Variants in HEMK2 observed in about 807,000 individuals in gnomAD.
The protein encoded by HEMK2 is HemK methyltransferase 2, ETF1 glutamine and histone H4 lysine.
chr21:28,616,756 C>A, the HEMK2 span, among the ~76,000 whole-genome samples: 7 of 152,080 alleles, frequency 4.6e-5, no homozygotes, highest in African/African-American at 1.7e-4. Context: ...ATTTGTATAC[C>A]CTTTGCTATT....
At chr21:28,618,935 C>T in the HEMK2 span, among the ~76,000 whole-genome samples, 1 of 152,060 alleles carries the variant, frequency 6.6e-6, no homozygotes, top group Non-Finnish European at 1.5e-5. Context: ...AAAGTCCAAC[C>T]CCTGGTACCT....
At chr21:28,799,392 C>G in the HEMK2 span, among the ~76,000 whole-genome samples, 3 of 152,190 alleles carry the variant, frequency 2.0e-5, no homozygotes, top group Non-Finnish European at 4.4e-5. Context: ...ATTCAATTAC[C>G]TCCCACTGGG....
chr21:28,831,636 AAAG>A, the HEMK2 span, among the ~76,000 whole-genome samples: 6 of 28,750 alleles, frequency 2.1e-4, no homozygotes, highest in African/African-American at 9.2e-4. Flanking sequence ...AGAAGGAAGG[AAAG>A]AAAGAAAGAA....
At chr21:28,707,952 CA>C in the HEMK2 span, among the ~76,000 whole-genome samples, 1 of 151,918 alleles carries the variant, frequency 6.6e-6, no homozygotes, top group Non-Finnish European at 1.5e-5. Flanking sequence ...ATGATGAAAA[CA>C]AAAGTGGGAG....
At chr21:28,719,672 AG>A in the HEMK2 span, among the ~76,000 whole-genome samples, 5 of 152,232 alleles carry the variant, frequency 3.3e-5, no homozygotes, top group African/African-American at 1.2e-4. Flanking sequence ...CCCTGGGAGT[AG>A]GAGTGGGCAG....
the HEMK2 span, among the ~76,000 whole-genome samples, chr21:28,604,502 C>T: frequency 6.6e-6 from 1 of 152,158 alleles, no homozygotes; most frequent in South Asian, 2.1e-4. Flanking sequence ...TGGGAACTTT[C>T]CAGGTGAGTA....
the HEMK2 span, among the ~76,000 whole-genome samples, chr21:28,831,648 AAAGAAAG>A: frequency 9.5e-4 from 27 of 28,330 alleles, no homozygotes; most frequent in African/African-American, 1.5e-3. Context: ...AGAAAGAAAG[AAAGAAAG>A]AAAGAAAGAA....
At chr21:28,817,389 A>G in the HEMK2 span, among the ~76,000 whole-genome samples, 1 of 152,244 alleles carries the variant, frequency 6.6e-6, no homozygotes, top group Non-Finnish European at 1.5e-5. Context: ...GTAGAAAACA[A>G]AGAAAAAAGT....
chr21:28,815,363 T>C, the HEMK2 span, among the ~76,000 whole-genome samples: 1 of 151,392 alleles, frequency 6.6e-6, no homozygotes, highest in East Asian at 1.9e-4. Flanking sequence ...ACCCTAAAAC[T>C]TGAAGCATAA....
At chr21:28,702,768 C>T in the HEMK2 span, among the ~76,000 whole-genome samples, 1 of 152,024 alleles carries the variant, frequency 6.6e-6, no homozygotes, top group Non-Finnish European at 1.5e-5. Flanking sequence ...TCAAAGATCT[C>T]AAAGCAGAAT....
the HEMK2 span, among the ~76,000 whole-genome samples, chr21:28,822,635 G>A: frequency 6.6e-6 from 1 of 151,770 alleles, no homozygotes; most frequent in South Asian, 2.1e-4. Context: ...TAGATTGCTA[G>A]ACTAGCTTTG....
the HEMK2 span, among the ~76,000 whole-genome samples, chr21:28,716,120 TG>T: frequency 9.5e-6 from 1 of 105,388 alleles, no homozygotes; most frequent in Non-Finnish European, 1.7e-5. Context: ...TTTGGCTATT[TG>T]GACTCTTTTT....
the HEMK2 span, among the ~76,000 whole-genome samples, chr21:28,725,968 A>G: frequency 6.6e-6 from 1 of 152,226 alleles, no homozygotes. Context: ...TTAAATTCCA[A>G]AGAAATGGGA....
At chr21:28,732,482 A>G in the HEMK2 span, among the ~76,000 whole-genome samples, 8 of 152,350 alleles carry the variant, frequency 5.3e-5, no homozygotes, top group Middle Eastern at 3.4e-3. Flanking sequence ...GATGGACTGC[A>G]TATGTGAAGG....
At chr21:28,864,423 T>A in the HEMK2 span, among the ~76,000 whole-genome samples, 11 of 43,234 alleles carry the variant, frequency 2.5e-4, no homozygotes, top group Non-Finnish European at 5.2e-4. Context: ...ATTTAAGATG[T>A]ATGTCCAAAA....
the HEMK2 span, among the ~76,000 whole-genome samples, chr21:28,724,782 T>G: frequency 1.7e-4 from 26 of 152,244 alleles, no homozygotes; most frequent in Middle Eastern, 3.4e-3. Flanking sequence ...TTTGTTTTTG[T>G]TTTTGTTTTT....
the HEMK2 span, among the ~76,000 whole-genome samples, chr21:28,620,960 C>T: frequency 5.3e-5 from 8 of 151,890 alleles, no homozygotes; most frequent in South Asian, 2.1e-4. Context: ...CATGAGCCAC[C>T]GCACCTGGCC....
the HEMK2 span, among the ~76,000 whole-genome samples, chr21:28,824,041 A>G: frequency 6.6e-6 from 1 of 152,152 alleles, no homozygotes; most frequent in Non-Finnish European, 1.5e-5. Context: ...AATGATGCTT[A>G]TGAGTAATGT....
At chr21:28,814,667 A>G in the HEMK2 span, among the ~76,000 whole-genome samples, 1 of 152,234 alleles carries the variant, frequency 6.6e-6, no homozygotes, top group Non-Finnish European at 1.5e-5. Context: ...AATGCAAATC[A>G]AAACCACAAC....
Sources: gnomAD v4.1 joint callset for allele counts (sites outside exome capture counted in the v4.1 genomes callset) on GRCh38, gnomAD v4.1.1 for gene constraint, MANE v1.5 for transcripts, NCBI Gene and HGNC (gene_info 2026-07-23, HGNC 2026-07-21) for gene names.